Variants in FAM13A observed in about 807,000 individuals in gnomAD.
FAM13A encodes family with sequence similarity 13 member A, also known as protein FAM13A.
Under a neutral mutation model 129.6 loss-of-function variants are expected in FAM13A, and 76 were observed. The ratio of observed to expected loss-of-function variants is 0.59; its 90% confidence interval spans 0.49 to 0.71. The LOEUF (loss-of-function observed/expected upper bound fraction) is 0.71. Among genes scored for constraint, FAM13A ranks in the 30% least tolerant of loss-of-function variants. The probability of loss-of-function intolerance (pLI) is 0.00; values close to 1 mark genes in which losing one functional copy is unlikely to be tolerated. For synonymous variants in FAM13A, 443 were observed against 449.9 expected (o/e 0.98, Z 0.20); for missense variants, 1,108 against 1,249.3 (o/e 0.89, Z 1.70).
chr4:89,048,305 A>T (rs543001644), intron 1 of FAM13A, among the ~76,000 whole-genome samples: 1 of 152,356 alleles, frequency 6.6e-6, no homozygotes, highest in South Asian at 2.1e-4. Context: ...AATAAAAATG[A>T]TATGCTAATA....
At chr4:88,845,100 T>A (rs1183516484) in intron 7 of FAM13A, among the ~76,000 whole-genome samples, 1 of 151,930 alleles carries the variant, frequency 6.6e-6, no homozygotes, top group Non-Finnish European at 1.5e-5. Context: ...ATATAATAAT[T>A]ATCTAACCAC....
chr4:88,868,369 T>A lies in FAM13A; in HGVS notation c.844-17186A>T, dbSNP rs147949514. On this transcript the variant is annotated intron_variant, in intron 6 of 23. Transcript: ENST00000264344. ...TCCACCCACTTGGATCTGGAAGTCA[T>A]CCCTCTATGTTTCCTTGCCACTTAC... Among the ~76,000 whole-genome samples the A allele has an allele frequency of 1.7e-3, 264 of 152,298 alleles. 2 individuals are homozygous for A. Among genetic ancestry groups the A allele is most frequent in the African/African-American group, 6.1e-3 (253 of 41,556 alleles).
At chr4:89,047,060 C>G (rs1770947361) in intron 1 of FAM13A, among the ~76,000 whole-genome samples, 1 of 152,142 alleles carries the variant, frequency 6.6e-6, no homozygotes, top group Admixed American at 6.5e-5. Context: ...CTCTCTCCAA[C>G]CAGGCTCCGA....
At chr4:89,027,260 G>C (rs988919684) in intron 2 of FAM13A, among the ~76,000 whole-genome samples, 2 of 152,124 alleles carry the variant, frequency 1.3e-5, no homozygotes, top group Admixed American at 6.5e-5. Flanking sequence ...TATAATCGAA[G>C]CTACTTAAGA....
chr4:88,910,071 GA>G (rs1418816325), intron 5 of FAM13A, among the ~76,000 whole-genome samples: 1 of 152,164 alleles, frequency 6.6e-6, no homozygotes, highest in Non-Finnish European at 1.5e-5. Flanking sequence ...ATGTAGGCAT[GA>G]AAATTTATTC....
intron 3 of FAM13A, among the ~76,000 whole-genome samples, chr4:89,011,520 T>A (rs17014901): frequency 0.054 from 8,153 of 152,240 alleles, 315 homozygotes; most frequent in South Asian, 0.22. Flanking sequence ...CAGCACTGCC[T>A]AACATACTGC....
At chr4:88,938,026 TTAAA>T (rs1444925781) in intron 5 of FAM13A, 58 bp downstream of exon 5, 4 of 1,291,892 alleles carry the variant, frequency 3.1e-6, no homozygotes, top group Admixed American at 3.5e-5. Context: ...TGAGAAAGAA[TTAAA>T]TAAAATCTTC....
At chr4:89,023,757 T>C (rs552615869) in intron 2 of FAM13A, among the ~76,000 whole-genome samples, 5 of 152,352 alleles carry the variant, frequency 3.3e-5, no homozygotes, top group African/African-American at 1.2e-4. Flanking sequence ...GGAAAGTTTA[T>C]AATCCTGGGC....
In FAM13A at chr4:88,915,912, A is replaced by G. The variant is rs190901081; in HGVS notation, c.760-9450T>C. 2.0e-3 allele frequency among the ~76,000 whole-genome samples: 307 copies of G among 152,274 alleles called. 2 individuals carry two copies. Among genetic ancestry groups the G allele is most frequent in the African/African-American group, 6.8e-3 (284 of 41,574 alleles). Reference sequence around the variant, plus strand: ...TTGCCATGTGACCTCTGCACATGCCAGCTCCCCTTCCCCTTTCCACCATGA... The same window carrying G: ...TTGCCATGTGACCTCTGCACATGCCGGCTCCCCTTCCCCTTTCCACCATGA... On this transcript the variant is annotated intron_variant, in intron 5 of 23. Transcript: ENST00000264344.
chr4:88,908,112 A>C (rs114149733), intron 5 of FAM13A, among the ~76,000 whole-genome samples: 134 of 152,346 alleles, frequency 8.8e-4, no homozygotes, highest in African/African-American at 3.2e-3. Flanking sequence ...CCCTTATGTA[A>C]GTACCAAAGG....
intron 2 of FAM13A, among the ~76,000 whole-genome samples, chr4:89,026,841 C>T (rs1237119133): frequency 2.0e-5 from 3 of 152,156 alleles, no homozygotes; most frequent in African/African-American, 7.2e-5. Context: ...TGCCTAGTAA[C>T]CAGAGCAGAT....
chr4:88,990,829 T>A (rs550590970), intron 4 of FAM13A, 144 bp downstream of exon 4: 98 of 549,764 alleles, frequency 1.8e-4, no homozygotes, highest in African/African-American at 1.7e-3. Flanking sequence ...AAGGCTAACA[T>A]GCCCAAGAAC....
At chr4:88,948,245 A>C (rs2869968) in intron 4 of FAM13A, among the ~76,000 whole-genome samples, 1 of 151,986 alleles carries the variant, frequency 6.6e-6, no homozygotes, top group Non-Finnish European at 1.5e-5. Context: ...CACAACTCAT[A>C]TAGTGTAGGT....
chr4:88,823,229 T>G, intron 7 of FAM13A: 1 of 1,380,352 alleles, frequency 7.2e-7, no homozygotes, highest in South Asian at 1.7e-5. Flanking sequence ...TTCTCTACAT[T>G]TACACTGCAG....
At position 88,732,452 on chromosome 4, in the gene FAM13A, A is replaced by G. The variant is rs1738039560; in HGVS notation, c.2647-254T>C. 6 of 326,978 alleles carry G rather than the reference A, an allele frequency of 1.8e-5. No homozygotes were observed. In the South Asian group the frequency reaches 6.2e-4, roughly 34 times the overall value. The allele number at this position is 326,978 out of a possible 1,614,324, so 20.3% of individuals were successfully genotyped here. ...CAAAACTATTTTAAAATGAGTGTAC[A>G]TCATGTTAATAGTTGTCAGGTTGGG... On this transcript the variant is annotated intron_variant, in intron 21 of 23. Transcript: ENST00000264344.
intron 1 of FAM13A, among the ~76,000 whole-genome samples, chr4:89,051,107 T>C (rs1771536928): frequency 6.6e-6 from 1 of 152,200 alleles, no homozygotes; most frequent in African/African-American, 2.4e-5. Context: ...TAACAGACTG[T>C]CTTAATCTGT....
chr4:88,773,586 T>A (rs1721112078), intron 11 of FAM13A, among the ~76,000 whole-genome samples: 1 of 152,136 alleles, frequency 6.6e-6, no homozygotes, highest in Admixed American at 6.5e-5. Flanking sequence ...TCCCTTCTCA[T>A]CTGCTTACCC....
intron 19 of FAM13A, among the ~76,000 whole-genome samples, chr4:88,746,131 T>A (rs1285084107): frequency 6.6e-6 from 1 of 152,212 alleles, no homozygotes; most frequent in African/African-American, 2.4e-5. Context: ...AGATCTATAC[T>A]TTTTGGCTAT....
chr4:88,911,381 C>T (rs10019681), intron 5 of FAM13A, among the ~76,000 whole-genome samples: 41,692 of 151,920 alleles, frequency 0.27, 5,885 homozygotes, highest in East Asian at 0.36. Context: ...TTGGATGGGC[C>T]CTCCCTCATG....
Sources: allele counts gnomAD v4.1 joint callset (sites outside exome capture counted in the v4.1 genomes callset), GRCh38; gene constraint gnomAD v4.1.1; transcripts MANE v1.5; gene names NCBI Gene and HGNC (gene_info 2026-07-23, HGNC 2026-07-21).